Variants in COG6 observed in about 807,000 individuals in gnomAD.
The protein encoded by COG6 is component of oligomeric golgi complex 6, also known as conserved oligomeric Golgi complex subunit 6.
COG6 carries 74 observed loss-of-function variants against 88.8 expected under a neutral mutation model. That is an observed-to-expected ratio of 0.83 (90% CI 0.69 to 1.01). The LOEUF (loss-of-function observed/expected upper bound fraction) is 1.01, where lower values mean the gene tolerates loss of function less well. COG6 is among the 50% of genes least tolerant of loss of function. COG6 has a pLI of 0.00. For synonymous variants in COG6, 286 were observed against 278.7 expected (o/e 1.03, Z -0.26); for missense variants, 800 against 797.9 (o/e 1.00, Z -0.03).
chr13:39,789,956 T>C (rs1285701145), exon 19 of COG6: 1 of 152,258 alleles, frequency 6.6e-6, no homozygotes, highest in Non-Finnish European at 1.5e-5. Flanking sequence ...AATTTTTGTT[T>C]ATTTAAATAT....
intron 13 of COG6, among the ~76,000 whole-genome samples, chr13:39,701,479 C>G (rs1877574375): frequency 6.6e-6 from 1 of 151,706 alleles, no homozygotes; most frequent in Non-Finnish European, 1.5e-5. Flanking sequence ...AGGACACAGT[C>G]TTGGGAAACA....
chr13:39,685,419 A>G (rs551460730), intron 8 of COG6, among the ~76,000 whole-genome samples: 182 of 152,252 alleles, frequency 1.2e-3, no homozygotes, highest in African/African-American at 4.2e-3. Context: ...ATTAATATTA[A>G]TGTTTATTGA....
In COG6 at chr13:39,682,162, ATT is replaced by A. The variant is rs1167321392; in HGVS notation, c.695-5_695-4del. On this transcript the variant is annotated splice_region_variant and splice_polypyrimidine_tract_variant and intron_variant, in intron 7 of 18. Coordinates refer to ENST00000455146, the MANE Select transcript of COG6 (RefSeq NM_020751.3). ...TTTAACAAAAGTTATAATGTTAATT[ATT>A]TTTCAGGTGAATGCAGAACATTGAC... The A allele has an allele frequency of 6.3e-7, 1 of 1,588,200 alleles. No individual in the cohort carries two copies. The highest frequency in any genetic ancestry group is 1.7e-5 in the Admixed American group (1 of 59,950).
rs191384966 is a variant in COG6, at chr13:39,737,552, C to G, written c.1826+10004C>G. ...CCAAGATACAGAACAAAGTCCTTCC[C>G]ATGCTTCTGTCTCAAGCAGAAGGAA... On this transcript the variant is annotated intron_variant, in intron 18 of 18. Coordinates refer to ENST00000455146, the MANE Select transcript of COG6 (RefSeq NM_020751.3). Among the ~76,000 whole-genome samples the G allele has an allele frequency of 3.3e-5, 5 of 149,710 alleles. No individual in the cohort carries two copies. In the East Asian group the frequency reaches 7.8e-4, roughly 23 times the overall value.
intron 5 of COG6, among the ~76,000 whole-genome samples, chr13:39,679,169 C>T (rs1393537589): frequency 6.6e-6 from 1 of 152,062 alleles, no homozygotes; most frequent in African/African-American, 2.4e-5. Context: ...GAATGCCAGG[C>T]TTAAGTAATA....
At chr13:39,773,522 T>C (rs950267841) in intron 18 of COG6, among the ~76,000 whole-genome samples, 28 of 152,196 alleles carry the variant, frequency 1.8e-4, no homozygotes, top group African/African-American at 6.5e-4. Context: ...ACAAAAGCCC[T>C]GAACTGAAGA....
At chr13:39,681,798 G>A (rs961424764) in intron 7 of COG6, among the ~76,000 whole-genome samples, 4 of 151,996 alleles carry the variant, frequency 2.6e-5, no homozygotes, top group Non-Finnish European at 4.4e-5. Flanking sequence ...GCTTCCCAGC[G>A]AAGGAACTGA....
At chr13:39,655,660 A>G (rs548475910), upstream of COG6, 4 of 1,531,904 alleles carry the variant, frequency 2.6e-6, no homozygotes, top group East Asian at 4.9e-5. Flanking sequence ...CACATGCGCA[A>G]TACTCGCGCT....
rs982575500 is a variant in COG6, at chr13:39,727,524, A to G, written c.1802A>G (p.Asn601Ser). The G allele has an allele frequency of 1.7e-5, 28 of 1,613,104 alleles. No individual in the cohort carries two copies. Among genetic ancestry groups the G allele is most frequent in the Non-Finnish European group, 2.1e-5 (25 of 1,179,346 alleles). Residue 601 changes from asparagine to serine, a missense_variant, in exon 18 of 19, where the codon AAC becomes AGC. By Grantham distance (46) the Asn-to-Ser change is conservative. Transcript: ENST00000455146. ...GACAACCTATTGATACCACAGCTGA[A>G]CTTTCTTCTAAGTGCCACAGTGAAG... ...APDNLLIPQL[N>S]FLLSATVKEQ...
intron 18 of COG6, among the ~76,000 whole-genome samples, chr13:39,787,046 C>T (rs1881794610): frequency 6.6e-6 from 1 of 152,092 alleles, no homozygotes; most frequent in African/African-American, 2.4e-5. Flanking sequence ...TGGAAGGCAC[C>T]ACAAGTCTGC....
At chr13:39,672,076 A>G (rs1436106370) in intron 4 of COG6, among the ~76,000 whole-genome samples, 1 of 151,990 alleles carries the variant, frequency 6.6e-6, no homozygotes, top group Non-Finnish European at 1.5e-5. Flanking sequence ...TACAGCTGAC[A>G]TTGCCTGTTA....
intron 18 of COG6, among the ~76,000 whole-genome samples, chr13:39,779,367 C>T (rs988604249): frequency 2.6e-5 from 4 of 152,190 alleles, no homozygotes; most frequent in African/African-American, 7.2e-5. Flanking sequence ...TCTCTTAAAT[C>T]GATCATTCCT....
intron 12 of COG6, among the ~76,000 whole-genome samples, chr13:39,697,871 G>A (rs1405813130): frequency 6.6e-6 from 1 of 151,932 alleles, no homozygotes; most frequent in Admixed American, 6.6e-5. Flanking sequence ...TTATTTACCA[G>A]AACTCTGTGC....
intron 8 of COG6, among the ~76,000 whole-genome samples, chr13:39,684,321 T>C (rs963771224): frequency 7.8e-6 from 1 of 128,384 alleles, no homozygotes; most frequent in South Asian, 2.8e-4. Flanking sequence ...CAATCTCGGC[T>C]CACTGCAGGC....
intron 18 of COG6, among the ~76,000 whole-genome samples, chr13:39,786,565 GA>G (rs1881779243): frequency 1.3e-5 from 2 of 152,192 alleles, no homozygotes. Context: ...AAGGTTTGCA[GA>G]GAGAAAATGG....
rs1345027789 is a variant in COG6 at position 39,675,784 on chromosome 13, A to G, written c.429-1684A>G. ...CCAAAAAAGCTCCCAAAAACATTTT[A>G]TTTCACATGGTTAATTTGCATAGTC... is the stretch of plus-strand genomic sequence containing the variant. On this transcript the variant is annotated intron_variant, in intron 4 of 18. Transcript: ENST00000455146. 3.3e-5 allele frequency among the ~76,000 whole-genome samples: 5 copies of G among 152,132 alleles called. No homozygotes were observed. In the East Asian group the frequency reaches 9.6e-4, roughly 29 times the overall value.
At position 39,693,165 on chromosome 13, in the gene COG6, C is replaced by G. The variant is rs73179551; in HGVS notation, c.1075-1469C>G. Reference sequence around the variant, plus strand: ...TTTGTCAGTCTCCTGATTTTCCAGCCTTTCTCTGTTGTATTTTGTATTGTA... The same window carrying G: ...TTTGTCAGTCTCCTGATTTTCCAGCGTTTCTCTGTTGTATTTTGTATTGTA... On this transcript the variant is annotated intron_variant, in intron 11 of 18. Transcript: ENST00000455146. Among the ~76,000 whole-genome samples the G allele has an allele frequency of 9.6e-3, 1,458 of 152,070 alleles. 11 individuals carry two copies. The highest frequency in any genetic ancestry group is 0.015 in the Non-Finnish European group (1,036 of 67,952).
intron 13 of COG6, among the ~76,000 whole-genome samples, chr13:39,708,972 G>A (rs1335939497): frequency 6.6e-6 from 1 of 152,016 alleles, no homozygotes; most frequent in Non-Finnish European, 1.5e-5. Context: ...TACTTATCTC[G>A]GGTGAGCAAT....
intron 12 of COG6, among the ~76,000 whole-genome samples, chr13:39,697,823 A>G (rs1329127318): frequency 2.0e-5 from 3 of 151,962 alleles, no homozygotes; most frequent in Non-Finnish European, 4.4e-5. Flanking sequence ...AGCTCTGAAT[A>G]GTATTTACAT....
Sources: allele counts gnomAD v4.1 joint callset (sites outside exome capture counted in the v4.1 genomes callset), GRCh38; gene constraint gnomAD v4.1.1; transcripts MANE v1.5; gene names NCBI Gene and HGNC (gene_info 2026-07-23, HGNC 2026-07-21).